AK9: variants seen among roughly 807,000 people sequenced by gnomAD.
AK9 encodes adenylate kinase 9.
A neutral mutation model predicts 239.6 loss-of-function variants in AK9; 191 were observed. The observed-to-expected ratio is 0.80, with a 90% CI of 0.71 to 0.90. The LOEUF is 0.90. Among genes scored for constraint, AK9 ranks in the 40% least tolerant of loss-of-function variants. AK9 has a pLI of 0.00. For synonymous variants in AK9, 689 were observed against 721.0 expected (o/e 0.96, Z 0.71); for missense variants, 1,995 against 2,214.7 (o/e 0.90, Z 1.99).
rs1043748549 is a variant in AK9 at position 109,578,868 on chromosome 6, T to A, written c.2191+682A>T. ...TATAGTTTGGAATTTATTTCCAATTTTATTCCACTGTGGTCTGAGAGAGTA... is the reference window on the plus strand; with the variant it reads ...TATAGTTTGGAATTTATTTCCAATTATATTCCACTGTGGTCTGAGAGAGTA... On this transcript the variant is annotated intron_variant, in intron 20 of 40. Coordinates refer to ENST00000424296, the MANE Select transcript of AK9 (RefSeq NM_001145128.3). Among the ~76,000 whole-genome samples, 10 of 122,996 alleles carry A rather than the reference T, an allele frequency of 8.1e-5. No homozygotes were observed. In the South Asian group the frequency reaches 3.1e-3, roughly 38 times the overall value. The allele number at this position is 122,996 out of a possible 152,430, so 80.7% of individuals were successfully genotyped here. A position where few individuals can be genotyped will look rare whatever the true frequency, so the allele number is the denominator to read the frequency against.
At chr6:109,649,844 G>T (rs1003737242) in intron 8 of AK9, among the ~76,000 whole-genome samples, 2 of 152,136 alleles carry the variant, frequency 1.3e-5, no homozygotes, top group African/African-American at 4.8e-5. Flanking sequence ...ATACTACAAG[G>T]CTACAGTAAC....
At chr6:109,654,062 G>A (rs192215856) in intron 8 of AK9, among the ~76,000 whole-genome samples, 20 of 152,166 alleles carry the variant, frequency 1.3e-4, no homozygotes, top group Non-Finnish European at 2.1e-4. Context: ...CTTTTCTCAT[G>A]ACTCAAGGAT....
chr6:109,626,464 G>C (rs1251020153), intron 12 of AK9, among the ~76,000 whole-genome samples: 2 of 152,118 alleles, frequency 1.3e-5, no homozygotes, highest in East Asian at 3.9e-4. Context: ...GTTGACTTTT[G>C]TTCTATCAGG....
Position 109,675,659 on chromosome 6 carries a change from T to C in AK9, c.87A>G (p.Lys29=). 3 of 1,590,804 alleles carry C rather than the reference T, an allele frequency of 1.9e-6. No homozygotes were observed. The highest frequency in any genetic ancestry group is 8.6e-7 in the Non-Finnish European group (1 of 1,169,036). ...DETERNFLLS[K]PVCFVVFGKP... Reference sequence around the variant, plus strand: ...TCCCAAATACAACAAAGCAAACAGGTTTGGACAACAAAAAATTCCTTTCAG... The same window carrying C: ...TCCCAAATACAACAAAGCAAACAGGCTTGGACAACAAAAAATTCCTTTCAG... The change falls in exon 2 of 41, where the codon AAA becomes AAG. Residue 29 remains lysine (K), a synonymous_variant. Coordinates refer to ENST00000424296, the MANE Select transcript of AK9 (RefSeq NM_001145128.3).
rs3060763 is a variant in AK9 at position 109,576,420 on chromosome 6, C to CTTTTTTTTTTTTTTTTTTT, written c.2192-2827_2192-2826insAAAAAAAAAAAAAAAAAAA. On this transcript the variant is annotated intron_variant, in intron 20 of 40. Transcript: ENST00000424296. Reference sequence around the variant, plus strand: ...GGTTAGGTGTATATACATATATATACTTTTTTTTTTTTTTTTTGCAGCTGT... The same window carrying CTTTTTTTTTTTTTTTTTTT: ...GGTTAGGTGTATATACATATATATACTTTTTTTTTTTTTTTTTTTTTTTTTTTTTTTTTTTTGCAGCTGT... Among the ~76,000 whole-genome samples, 4 of 103,478 alleles carry CTTTTTTTTTTTTTTTTTTT rather than the reference C, an allele frequency of 3.9e-5. 1 individual carries two copies. Among genetic ancestry groups the CTTTTTTTTTTTTTTTTTTT allele is most frequent in the Non-Finnish European group, 7.8e-5 (4 of 51,216 alleles). The allele number at this position is 103,478 out of a possible 152,430, so 67.9% of individuals were successfully genotyped here.
chr6:109,573,168 CT>C (rs1259163856), intron 21 of AK9, among the ~76,000 whole-genome samples: 3 of 152,108 alleles, frequency 2.0e-5, no homozygotes, highest in Admixed American at 6.5e-5. Flanking sequence ...ATTTTACTAC[CT>C]TTAATGACAC....
intron 36 of AK9, among the ~76,000 whole-genome samples, chr6:109,498,185 C>A (rs1777261915): frequency 6.6e-6 from 1 of 152,202 alleles, no homozygotes; most frequent in Non-Finnish European, 1.5e-5. Flanking sequence ...CTCATTCATT[C>A]ATTCCTACAA....
intron 12 of AK9, among the ~76,000 whole-genome samples, chr6:109,622,723 T>C (rs1431825923): frequency 6.7e-6 from 1 of 150,168 alleles, no homozygotes; most frequent in African/African-American, 2.4e-5. Flanking sequence ...AACACACATA[T>C]TATATATTAT....
chr6:109,592,743 G>T (rs2128220294), intron 17 of AK9, among the ~76,000 whole-genome samples: 1 of 151,274 alleles, frequency 6.6e-6, no homozygotes, highest in East Asian at 2.0e-4. Context: ...ACCGTGCCCA[G>T]CGGGATTTTT....
At chr6:109,534,233 GA>G (rs1181662173) in intron 27 of AK9, among the ~76,000 whole-genome samples, 1 of 142,524 alleles carries the variant, frequency 7.0e-6, no homozygotes, top group Non-Finnish European at 1.5e-5. Context: ...AAAAAAAAAA[GA>G]AAAAAAAAGA....
rs1307290371 is a variant in AK9, at chr6:109,509,223, T to C, written c.4437A>G (p.Gln1479=). 10 of 1,552,080 alleles carry C rather than the reference T, an allele frequency of 6.4e-6. No individual in the cohort carries two copies. The African/African-American group carries it at 1.4e-4, about 21-fold the overall frequency. The part of the protein sequence containing the change: ...GMTAPDELAI[Q]ALELSLMESV... Reference sequence around the variant, plus strand: ...TTTCCATCAGAGAAAGTTCTAAGGCTTGAATAGCCAGTTCATCAGGTGCTG... The same window carrying C: ...TTTCCATCAGAGAAAGTTCTAAGGCCTGAATAGCCAGTTCATCAGGTGCTG... The change falls in exon 33 of 41, where the codon CAA becomes CAG. Residue 1479 remains glutamine (Q), a synonymous_variant. Transcript: ENST00000424296.
chr6:109,651,249 A>G (rs1445883580), intron 8 of AK9, among the ~76,000 whole-genome samples: 2 of 148,240 alleles, frequency 1.3e-5, no homozygotes, highest in African/African-American at 2.5e-5. Flanking sequence ...CAATTAAAAG[A>G]AAAAAAAAAG....
rs1779058686 is a variant in AK9, at chr6:109,514,410, C to A, written c.4093G>T (p.Val1365Phe). The A allele has an allele frequency of 6.5e-7, 1 of 1,548,968 alleles. No individual in the cohort carries two copies. Among genetic ancestry groups the A allele is most frequent in the African/African-American group, 1.4e-5 (1 of 72,808 alleles). Residue 1365 changes from valine (V) to phenylalanine (F), a missense_variant, in exon 32 of 41, where the codon GTT becomes TTT. By Grantham distance (50) the Val-to-Phe change is conservative (BLOSUM62 -1). This residue lies in a region of AK9 where 1,290 missense variants were observed against 1,392.7 expected (regional missense o/e 0.93). Coordinates refer to ENST00000424296, the MANE Select transcript of AK9 (RefSeq NM_001145128.3). ...KLSEGETIKP[V>F]ENAENPIYPV... ...TAAATTGGATTCTCTGCATTTTCAA[C>A]TGGCTTGATTGTCTCTCCTTCACTT...
chr6:109,632,429 T>A, intron 12 of AK9: 1 of 575,444 alleles, frequency 1.7e-6, no homozygotes, highest in Non-Finnish European at 2.2e-6. Flanking sequence ...CATACCACTT[T>A]TACTGCTATC....
chr6:109,675,422 G>A (rs1305451376), intron 2 of AK9, among the ~76,000 whole-genome samples: 1 of 152,082 alleles, frequency 6.6e-6, no homozygotes, highest in Non-Finnish European at 1.5e-5. Context: ...TGTGAGTAGT[G>A]TTGCGATGAG....
intron 20 of AK9, among the ~76,000 whole-genome samples, chr6:109,574,546 G>A (rs1395348394): frequency 6.6e-6 from 1 of 152,084 alleles, no homozygotes; most frequent in Non-Finnish European, 1.5e-5. Context: ...GTGGTTTGTT[G>A]CCTATATTAA....
intron 27 of AK9, 107 bp from the exon 28 acceptor site, chr6:109,533,577 T>A: frequency 1.2e-6 from 1 of 833,750 alleles, no homozygotes; most frequent in Non-Finnish European, 1.7e-6. Context: ...AAGTCATCAT[T>A]ACACCTTGAA....
At chr6:109,620,131 C>A (rs1194916482) in intron 12 of AK9, among the ~76,000 whole-genome samples, 1 of 152,080 alleles carries the variant, frequency 6.6e-6, no homozygotes, top group Middle Eastern at 3.2e-3. Flanking sequence ...GTACAGAAGT[C>A]TTTTTGTGGT....
chr6:109,603,012 T>A (rs1792264130), intron 17 of AK9, among the ~76,000 whole-genome samples: 1 of 152,186 alleles, frequency 6.6e-6, no homozygotes, highest in Non-Finnish European at 1.5e-5. Context: ...TTGCGATGGG[T>A]TCGAACTTCC....
Sources: allele counts gnomAD v4.1 joint callset (sites outside exome capture counted in the v4.1 genomes callset), GRCh38; gene constraint gnomAD v4.1.1; regional missense constraint gnomAD v4.1.1; transcripts MANE v1.5; gene names NCBI Gene and HGNC (gene_info 2026-07-23, HGNC 2026-07-21).